The following THRA variants were observed in gnomAD, a reference collection of about 807,000 sequenced individuals.
THRA encodes thyroid hormone receptor alpha, also known as EAR-7.
THRA carries 13 observed loss-of-function variants against 45.0 expected under a neutral mutation model. That is an observed-to-expected ratio of 0.29 (90% CI 0.19 to 0.46). THRA has a LOEUF of 0.46. Ranked by LOEUF, THRA falls within the 20% of genes least tolerant of loss-of-function variation. The pLI is 1.00. For missense variants in THRA, 278 were observed against 556.1 expected (o/e 0.50, Z 5.03); for synonymous variants, 195 against 214.0 (o/e 0.91, Z 0.78).
At chr17:40,072,800 A>G (rs1402879055) in intron 1 of THRA, among the ~76,000 whole-genome samples, 1 of 148,442 alleles carries the variant, frequency 6.7e-6, no homozygotes, top group Non-Finnish European at 1.5e-5. Context: ...TGGCTACGCC[A>G]TTATAAATTT....
At position 40,083,839 on chromosome 17, in the gene THRA, T is replaced by G; in HGVS notation, c.227T>G (p.Phe76Cys). 1.2e-6 allele frequency: 2 copies of G among 1,605,406 alleles called. No homozygotes were observed. The highest frequency in any genetic ancestry group is 1.7e-6 in the Non-Finnish European group (2 of 1,175,142). Residue 76 changes from phenylalanine to cysteine, a missense_variant, in exon 5 of 9, where the codon TTC becomes TGC. Physicochemically the swap from Phe to Cys is radical, Grantham distance 205 (BLOSUM62 -2). Transcript: ENST00000450525. ...GCTCCATCTCCCCCACCCCAGGGCT[T>G]CTTTCGCCGCACAATCCAGAAGAAC... ...RCITCEGCKG[F>C]FRRTIQKNLH... is the part of the protein sequence containing the mutation.
chr17:40,082,207 CTTTTTTT>C (rs770974952), intron 4 of THRA, among the ~76,000 whole-genome samples: 56 of 78,796 alleles, frequency 7.1e-4, no homozygotes, highest in South Asian at 3.2e-3. Flanking sequence ...CTTGGATTTC[CTTTTTTT>C]TTTTTTTTTT....
At chr17:40,067,609 A>G (rs1209914738) in intron 1 of THRA, among the ~76,000 whole-genome samples, 1 of 152,230 alleles carries the variant, frequency 6.6e-6, no homozygotes. Context: ...TCTGGTGATC[A>G]GGATCCCCTC....
chr17:40,085,255 G>C (rs894799343), intron 6 of THRA, among the ~76,000 whole-genome samples: 1 of 152,154 alleles, frequency 6.6e-6, no homozygotes, highest in Non-Finnish European at 1.5e-5. Flanking sequence ...CCAGCAATTT[G>C]TGAGACCAAG....
chr17:40,084,287 G>C (rs976007382), intron 5 of THRA: 1 of 493,888 alleles, frequency 2.0e-6, no homozygotes, highest in Non-Finnish European at 3.6e-6. Context: ...CCCAGCGAAG[G>C]CACCCCACTT....
At position 40,091,150 on chromosome 17, in the gene THRA, C is replaced by T. The variant is rs914769079; in HGVS notation, c.*1694C>T. On this transcript the variant is annotated 3_prime_UTR_variant, in exon 9 of 9. Transcript: ENST00000450525. ...GGGAGGGGTGCCAGGGCTTCCTGCG[C>T]TTTGCACTATTGGGGCAAAAATGTC... The T allele has an allele frequency of 4.9e-4, 74 of 152,458 alleles. No homozygotes were observed. The highest frequency in any genetic ancestry group is 1.8e-3 in the African/African-American group (73 of 41,440). The allele number at this position is 152,458 out of a possible 1,614,324, so 9.4% of individuals were successfully genotyped here. A position where few individuals can be genotyped will look rare whatever the true frequency, so the allele number is the denominator to read the frequency against.
In THRA at chr17:40,089,592, A is replaced by C. The variant is rs1987460708; in HGVS notation, c.*136A>C. On this transcript the variant is annotated 3_prime_UTR_variant, in exon 9 of 9. Transcript: ENST00000450525. The surrounding 1 kb of genome is among the most constrained non-coding windows in gnomAD (Gnocchi z 6.1). Reference sequence around the variant, plus strand: ...GTCCTTGGATAGATTCAGCTCCCACACACACACCCGCACTGCCCAGGTCCC... The same window carrying C: ...GTCCTTGGATAGATTCAGCTCCCACCCACACACCCGCACTGCCCAGGTCCC... 1 of 1,457,808 alleles carries C rather than the reference A, an allele frequency of 6.9e-7. No homozygotes were observed. Among genetic ancestry groups the C allele is most frequent in the African/African-American group, 1.4e-5 (1 of 70,420 alleles). 90.3% of individuals were successfully genotyped at this position (1,457,808 alleles called of 1,614,324 possible).
intron 4 of THRA, among the ~76,000 whole-genome samples, chr17:40,083,628 C>G (rs373647204): frequency 2.0e-5 from 3 of 152,226 alleles, no homozygotes; most frequent in African/African-American, 7.2e-5. Context: ...CACCCCCAAC[C>G]CCTCAGCAGC....
rs770418483 is a variant in THRA at position 40,077,584 on chromosome 17, C to T, written c.198C>T (p.Arg66=). ...ACAAGGCAACTGGTTATCACTACCG[C>T]TGTATCACTTGTGAGGGCTGCAAGG... ...CGDKATGYHY[R]CITCEGCKGF... The change falls in exon 4 of 9, where the codon CGC becomes CGT. Residue 66 remains arginine (R), a synonymous_variant. Transcript: ENST00000450525. 6.2e-7 allele frequency: 1 copy of T among 1,614,088 alleles called. No individual in the cohort carries two copies. Among genetic ancestry groups the T allele is most frequent in the Non-Finnish European group, 8.5e-7 (1 of 1,179,976 alleles).
At chr17:40,071,283 A>G (rs1388165560) in intron 1 of THRA, among the ~76,000 whole-genome samples, 3 of 152,160 alleles carry the variant, frequency 2.0e-5, no homozygotes, top group Non-Finnish European at 4.4e-5. Flanking sequence ...TGGGGGTTAG[A>G]TCCTGGGGAC....
At chr17:40,065,065 C>G (rs551055764) in intron 1 of THRA, among the ~76,000 whole-genome samples, 1 of 148,254 alleles carries the variant, frequency 6.7e-6, no homozygotes, top group Non-Finnish European at 1.5e-5. Context: ...TTCTTTCTTT[C>G]TTTTAGAGGG....
chr17:40,074,866 A>G (rs565964791), intron 2 of THRA, among the ~76,000 whole-genome samples: 2 of 152,324 alleles, frequency 1.3e-5, no homozygotes, highest in Admixed American at 6.5e-5. Flanking sequence ...AGCATGTGGG[A>G]TCCAAACAGC....
chr17:40,090,037 A>C lies in THRA; in HGVS notation c.*581A>C, dbSNP rs1869734629. ...ACAAATGAAGAAAAACTAGACAGAG[A>C]GAAAAATACAAAAAAGAGAGAGCGA... On this transcript the variant is annotated 3_prime_UTR_variant, in exon 9 of 9. Coordinates refer to ENST00000450525, the MANE Select transcript of THRA (RefSeq NM_199334.5). 1 of 986,952 alleles carries C rather than the reference A, an allele frequency of 1.0e-6. No individual in the cohort carries two copies. Among genetic ancestry groups the C allele is most frequent in the African/African-American group, 1.7e-5 (1 of 57,200 alleles). The allele number at this position is 986,952 out of a possible 1,614,324, so 61.1% of individuals were successfully genotyped here. A position where few individuals can be genotyped will look rare whatever the true frequency, so the allele number is the denominator to read the frequency against.
chr17:40,084,146 G>A (rs762429065), intron 5 of THRA, among the ~76,000 whole-genome samples, 164 bp downstream of exon 5: 1 of 152,124 alleles, frequency 6.6e-6, no homozygotes, highest in African/African-American at 2.4e-5. Flanking sequence ...CCTCCTTCCT[G>A]CGCAAAAGGA....
Position 40,090,067 on chromosome 17 carries a change from TAG to T in THRA, c.*619_*620del, listed in dbSNP as rs1011839803. 8 of 977,378 alleles carry T rather than the reference TAG, an allele frequency of 8.2e-6. No individual in the cohort carries two copies. Among genetic ancestry groups the T allele is most frequent in the Non-Finnish European group, 9.7e-6 (8 of 822,338 alleles). 60.5% of individuals were successfully genotyped at this position (977,378 alleles called of 1,614,324 possible). A position where few individuals can be genotyped will look rare whatever the true frequency, so the allele number is the denominator to read the frequency against. On this transcript the variant is annotated 3_prime_UTR_variant, in exon 9 of 9. Transcript: ENST00000450525. ...AATACAAAAAAGAGAGAGCGAGCGA[TAG>T]AGAGAGATGATATTAAGTTATTAAC...
At chr17:40,078,456 G>A (rs1028304895) in intron 4 of THRA, among the ~76,000 whole-genome samples, 5 of 152,148 alleles carry the variant, frequency 3.3e-5, no homozygotes, top group African/African-American at 1.2e-4. Context: ...ACTCCGGCCT[G>A]GGTGACAGAG....
intron 1 of THRA, among the ~76,000 whole-genome samples, chr17:40,072,797 G>A (rs1986824031): frequency 6.6e-6 from 1 of 151,738 alleles, no homozygotes; most frequent in Admixed American, 6.6e-5. Context: ...GGCTGGCTAC[G>A]CCATTATAAA....
At chr17:40,085,674 G>A (rs567967009) in intron 6 of THRA, among the ~76,000 whole-genome samples, 4 of 137,464 alleles carry the variant, frequency 2.9e-5, no homozygotes, top group East Asian at 2.2e-4. Context: ...TTGGAGTTTC[G>A]CTCTTGTTGT....
At position 40,084,606 on chromosome 17, in the gene THRA, A is replaced by C. The variant is rs529337118; in HGVS notation, c.371-4A>C. On this transcript the variant is annotated splice_polypyrimidine_tract_variant and splice_region_variant and intron_variant, in intron 5 of 8. Coordinates refer to ENST00000450525, the MANE Select transcript of THRA (RefSeq NM_199334.5). The stretch of plus-strand genomic sequence containing the variant: ...CGTTAGACCTTGTGCCTCTCTGTTC[A>C]CAGTGGTTCTAGATGACTCGAAGCG... 9 of 1,613,998 alleles carry C rather than the reference A, an allele frequency of 5.6e-6. No individual in the cohort carries two copies. In the African/African-American group the frequency reaches 9.3e-5, roughly 17 times the overall value.
Sources: gnomAD v4.1 joint callset for allele counts (sites outside exome capture counted in the v4.1 genomes callset) on GRCh38, gnomAD v4.1.1 for gene constraint, Gnocchi (gnomAD v3.1) non-coding constraint, MANE v1.5 for transcripts, NCBI Gene and HGNC (gene_info 2026-07-23, HGNC 2026-07-21) for gene names.